Variants in TTN observed in about 807,000 individuals in gnomAD.
The protein encoded by TTN is titin.
Under a neutral mutation model 3,223.0 loss-of-function variants are expected in TTN, and 1,525 were observed. The ratio of observed to expected loss-of-function variants is 0.47; its 90% CI spans 0.45 to 0.49. The LOEUF (loss-of-function observed/expected upper bound fraction) is 0.49, where lower values mean the gene tolerates loss of function less well. Among genes scored for constraint, TTN ranks in the 20% least tolerant of loss-of-function variants. TTN has a pLI of 0.00. For synonymous variants in TTN, 14,094 were observed against 15,161.0 expected (o/e 0.93, Z 5.17); for missense variants, 40,786 against 43,424.0 (o/e 0.94, Z 5.40).
Position 178,561,592 on chromosome 2 carries a change from A to G in TTN, c.84540T>C (p.Asn28180=). The change falls in exon 326 of 363, where the codon AAT becomes AAC. Residue 28180 remains asparagine (N), a synonymous_variant. Coordinates refer to ENST00000589042, the MANE Select transcript of TTN (RefSeq NM_001267550.2). ...AGCCAATTACTCGACTTCCTCCATC[A>G]TTAACTGGCACTTGCCAGGTTACAA... ...TMLVTWQVPV[N]DGGSRVIGYH... 6.2e-7 allele frequency: 1 copy of G among 1,613,266 alleles called. No homozygotes were observed. The highest frequency in any genetic ancestry group is 8.5e-7 in the Non-Finnish European group (1 of 1,179,586).
In TTN at chr2:178,805,856, C is replaced by T. The variant is rs189183323; in HGVS notation, c.-13-1201G>A. Among the ~76,000 whole-genome samples, 10 of 152,110 alleles carry T rather than the reference C, an allele frequency of 6.6e-5. No homozygotes were observed. The East Asian group carries it at 1.2e-3, about 18-fold the overall frequency. On this transcript the variant is annotated intron_variant, in intron 1 of 362. Coordinates refer to ENST00000589042, the MANE Select transcript of TTN (RefSeq NM_001267550.2). ...AGTAAAATATTCAACATCAAAGAAA[C>T]GAATATAAAATTTGCAGTTAAGTCA...
chr2:178,692,127 G>A (rs375248711), intron 120 of TTN, 28 bp from the exon 121 acceptor site: 17 of 1,593,194 alleles, frequency 1.1e-5, no homozygotes, highest in Non-Finnish European at 1.4e-5. Context: ...TTGAAATAAT[G>A]TGGAATATTC....
chr2:178,769,680 G>T lies in TTN; in HGVS notation c.8901C>A (p.Thr2967=). The T allele has an allele frequency of 3.7e-6, 6 of 1,612,050 alleles. No individual in the cohort carries two copies. Among genetic ancestry groups the T allele is most frequent in the Non-Finnish European group, 5.1e-6 (6 of 1,178,988 alleles). The part of the protein sequence containing the change: ...NDQVSATLTV[T]PIMITSMLKD... ...ATATATATATATTTTTTAACTTACG[G>T]GTGACTGTCAGGGTGGCACTGACTT... The change falls in exon 37 of 363, where the codon ACC becomes ACA. Residue 2967 remains threonine (T), a splice_region_variant and synonymous_variant. Transcript: ENST00000589042.
chr2:178,623,277 T>TA (rs1008017224), intron 242 of TTN, among the ~76,000 whole-genome samples: 2 of 152,052 alleles, frequency 1.3e-5, no homozygotes, highest in African/African-American at 4.8e-5. Context: ...TTTAGCTTTT[T>TA]AAAAAAATCA....
chr2:178,795,404 G>C (rs1180810524), intron 6 of TTN, 152 bp from the exon 7 acceptor site: 3 of 713,900 alleles, frequency 4.2e-6, no homozygotes, highest in Non-Finnish European at 7.3e-6. Flanking sequence ...GTACTTGGAA[G>C]TAATTTGTTT....
In TTN at chr2:178,731,286, GC is replaced by G; in HGVS notation, c.17461+18del. 1 of 1,612,228 alleles carries G rather than the reference GC, an allele frequency of 6.2e-7. No homozygotes were observed. Among genetic ancestry groups the G allele is most frequent in the Non-Finnish European group, 8.5e-7 (1 of 1,178,596 alleles). On this transcript the variant is annotated intron_variant, in intron 59 of 362. Coordinates refer to ENST00000589042, the MANE Select transcript of TTN (RefSeq NM_001267550.2). ...TCTGCATTTCTTCCTCAAACCCAAG[GC>G]AAACGTTCTGAACCAACCTTTTACT...
rs1271446442 is a variant in TTN at position 178,730,803 on chromosome 2, A to T, written c.17741-11T>A. ...GAGGTATGATAAGATCTATTCAATG[A>T]AAAAGCAAACAACAACAAAAAAAGG... On this transcript the variant is annotated splice_polypyrimidine_tract_variant and intron_variant, in intron 60 of 362. Transcript: ENST00000589042. 1 of 1,555,492 alleles carries T rather than the reference A, an allele frequency of 6.4e-7. No individual in the cohort carries two copies. Among genetic ancestry groups the T allele is most frequent in the East Asian group, 2.3e-5 (1 of 44,228 alleles).
chr2:178,738,427 C>T, intron 48 of TTN, 67 bp from the exon 49 acceptor site: 2 of 1,500,710 alleles, frequency 1.3e-6, no homozygotes, highest in Non-Finnish European at 8.9e-7. Flanking sequence ...TGTTTTTCTT[C>T]TAACTTTTGT....
Position 178,563,519 on chromosome 2 carries a change from T to C in TTN, c.82613A>G (p.His27538Arg), listed in dbSNP as rs878933739. ...AGCAGCAACTCTGAATTCATAGGAA[T>C]GGCCTTCGGTAAGACCAGTTACCCT... is the stretch of plus-strand genomic sequence containing the variant. The part of the protein sequence containing the change: ...RLRVTGLTEG[H>R]SYEFRVAAEN... Residue 27538 changes from histidine to arginine, a missense_variant, in exon 326 of 363, where the codon CAT (histidine) becomes CGT (arginine). His to Arg is a conservative substitution (Grantham distance 29). Coordinates refer to ENST00000589042, the MANE Select transcript of TTN (RefSeq NM_001267550.2). The surrounding 1 kb of genome is among the most constrained non-coding windows in gnomAD (Gnocchi z 4.5). 2 of 1,613,690 alleles carry C rather than the reference T, an allele frequency of 1.2e-6. No individual in the cohort carries two copies. Among genetic ancestry groups the C allele is most frequent in the Non-Finnish European group, 1.7e-6 (2 of 1,179,762 alleles).
At position 178,544,501 on chromosome 2, in the gene TTN, G is replaced by C; in HGVS notation, c.95728C>G (p.Pro31910Ala). 1 of 1,587,852 alleles carries C rather than the reference G, an allele frequency of 6.3e-7. No individual in the cohort carries two copies. ...FISCREPSYT[P>A]GPPSAPRVVD... Reference sequence around the variant, plus strand: ...ACTCTTGGAGCAGAAGGTGGTCCAGGGGTATCTGTGGAATTTAAAAAGTGA... The same window carrying C: ...ACTCTTGGAGCAGAAGGTGGTCCAGCGGTATCTGTGGAATTTAAAAAGTGA... Residue 31910 changes from proline (P) to alanine (A), a missense_variant, in exon 345 of 363, where the codon CCT (proline) becomes GCT (alanine). By Grantham distance (27) the Pro-to-Ala change is conservative. Transcript: ENST00000589042.
At chr2:178,641,763 A>G (rs2061266337) in intron 219 of TTN, among the ~76,000 whole-genome samples, 1 of 151,872 alleles carries the variant, frequency 6.6e-6, no homozygotes, top group Non-Finnish European at 1.5e-5. Flanking sequence ...TCATTTGACT[A>G]TCTTGTTTCT....
rs1050701524 is a variant in TTN, at chr2:178,664,313, G to A, written c.36280+147C>T. 7 of 783,606 alleles carry A rather than the reference G, an allele frequency of 8.9e-6. No homozygotes were observed. The African/African-American group carries it at 1.1e-4, about 12-fold the overall frequency. 48.5% of individuals were successfully genotyped at this position (783,606 alleles called of 1,614,324 possible). On this transcript the variant is annotated intron_variant, in intron 168 of 362. Transcript: ENST00000589042. ...CTTTGGGAGCTTCAGGCAGTTTGAA[G>A]ATATTAATACATTTACACTTGAGTT...
rs794729549 is a variant in TTN, at chr2:178,540,174, G to A, written c.97992C>T (p.His32664=). The A allele has an allele frequency of 1.2e-6, 2 of 1,613,804 alleles. No individual in the cohort carries two copies. Among genetic ancestry groups the A allele is most frequent in the Non-Finnish European group, 1.7e-6 (2 of 1,179,754 alleles). Residue 32664 remains histidine, a synonymous_variant, in exon 351 of 363, where the codon CAC becomes CAT. Transcript: ENST00000589042. ...ACCTGTATTCTGCACCCTGAGGTAG[G>A]TGTGTTAGAGTATACTCTCGAATCT... The part of the protein sequence containing the change: ...PTKIREYTLT[H]LPQGAEYRFR...
rs138362885 is a variant in TTN, at chr2:178,717,510, G to C, written c.25351+13C>G. On this transcript the variant is annotated intron_variant, in intron 87 of 362. Coordinates refer to ENST00000589042, the MANE Select transcript of TTN (RefSeq NM_001267550.2). Reference sequence around the variant, plus strand: ...GCTGCTTTACAATGAAGAGGGTACTGTGAGTTACTCACCTGAGAGAATGAG... The same window carrying C: ...GCTGCTTTACAATGAAGAGGGTACTCTGAGTTACTCACCTGAGAGAATGAG... The C allele has an allele frequency of 1.4e-4, 219 of 1,588,492 alleles. No homozygotes were observed. The African/African-American group carries it at 2.7e-3, about 20-fold the overall frequency.
Position 178,652,311 on chromosome 2 carries a change from T to C in TTN, c.39164A>G (p.Lys13055Arg), listed in dbSNP as rs1302936560. The C allele has an allele frequency of 6.2e-7, 1 of 1,613,756 alleles. No homozygotes were observed. Among genetic ancestry groups the C allele is most frequent in the Non-Finnish European group, 8.5e-7 (1 of 1,179,722 alleles). The change falls in exon 203 of 363, where the codon AAA becomes AGA. Residue 13055 changes from lysine to arginine, a missense_variant. Coordinates refer to ENST00000589042, the MANE Select transcript of TTN (RefSeq NM_001267550.2). ...EAPKEVVPEK[K>R]VPVPPPKKPE... ...CTTTTTAGGAGGAGGCACTGGCACTTTCTTTTCAGGAACAACTTCTTTGGG... is the reference window on the plus strand; with the variant it reads ...CTTTTTAGGAGGAGGCACTGGCACTCTCTTTTCAGGAACAACTTCTTTGGG...
chr2:178,662,871 A>C, intron 174 of TTN, 59 bp from the exon 175 acceptor site: 1 of 1,593,156 alleles, frequency 6.3e-7, no homozygotes, highest in Non-Finnish European at 8.6e-7. Flanking sequence ...TCGACTCCAC[A>C]TTTACCCAAG....
intron 43 of TTN, among the ~76,000 whole-genome samples, chr2:178,760,439 A>G (rs1159969264): frequency 1.3e-5 from 2 of 152,168 alleles, no homozygotes; most frequent in African/African-American, 4.8e-5. Context: ...CTCAGGCAGG[A>G]GAATAGCTTG....
In TTN at chr2:178,564,715, C is replaced by T. The variant is rs1228497885; in HGVS notation, c.81417G>A (p.Glu27139=). The T allele has an allele frequency of 1.2e-6, 2 of 1,613,246 alleles. No individual in the cohort carries two copies. The highest frequency in any genetic ancestry group is 1.7e-6 in the Non-Finnish European group (2 of 1,179,572). Residue 27139 remains glutamate, a synonymous_variant, in exon 326 of 363, where the codon GAG becomes GAA. Transcript: ENST00000589042. ...DTKFKTTGLD[E]GLEYEFKVSA... is the part of the protein sequence containing the mutation. ...AAACTTTGAACTCATACTCAAGGCC[C>T]TCATCAAGCCCAGTTGTTTTGAATT...
rs550440254 is a variant in TTN, at chr2:178,627,810, TATC to T, written c.44424+1488_44424+1490del. Among the ~76,000 whole-genome samples the T allele has an allele frequency of 1.4e-4, 22 of 152,172 alleles. 1 individual carries two copies. Among genetic ancestry groups the T allele is most frequent in the Admixed American group, 1.4e-3 (22 of 15,260 alleles). On this transcript the variant is annotated intron_variant, in intron 240 of 362. Coordinates refer to ENST00000589042, the MANE Select transcript of TTN (RefSeq NM_001267550.2). ...AAGATATTTGGTAATGAAAAAATAA[TATC>T]ATTTGTCTTTAAGCAGTGTTCCTAT...
Sources: allele counts gnomAD v4.1 joint callset (sites outside exome capture counted in the v4.1 genomes callset), GRCh38; gene constraint gnomAD v4.1.1; non-coding constraint Gnocchi (gnomAD v3.1); transcripts MANE v1.5; gene names NCBI Gene and HGNC (gene_info 2026-07-23, HGNC 2026-07-21).